The following CPNE4 variants were observed in gnomAD, a reference collection of about 807,000 sequenced individuals.
The protein encoded by CPNE4 is copine-4.
A neutral mutation model predicts 67.9 loss-of-function variants in CPNE4; 25 were observed. The observed-to-expected ratio is 0.37, with a 90% CI of 0.27 to 0.51. CPNE4 has a LOEUF of 0.51. CPNE4 is among the 20% of genes least tolerant of loss of function. CPNE4 has a pLI of 0.93. For missense variants in CPNE4, 464 were observed against 690.8 expected (o/e 0.67, Z 3.68); for synonymous variants, 242 against 244.9 (o/e 0.99, Z 0.11).
chr3:131,741,297 T>C (rs373087903), intron 2 of CPNE4, among the ~76,000 whole-genome samples: 2 of 152,226 alleles, frequency 1.3e-5, no homozygotes, highest in Admixed American at 1.3e-4. Context: ...ATGATTGTTG[T>C]AAACAACCAA....
At chr3:131,940,370 G>C (rs1160994588) in intron 1 of CPNE4, among the ~76,000 whole-genome samples, 1 of 152,004 alleles carries the variant, frequency 6.6e-6, no homozygotes, top group Non-Finnish European at 1.5e-5. Context: ...CCCTCTCTGA[G>C]TTGCAGAAGT....
chr3:131,759,225 T>C (rs1193747928), intron 2 of CPNE4, among the ~76,000 whole-genome samples: 1 of 152,140 alleles, frequency 6.6e-6, no homozygotes, highest in Admixed American at 6.6e-5. Context: ...TGGCAGGATC[T>C]AGGGGTAACC....
intron 2 of CPNE4, among the ~76,000 whole-genome samples, chr3:131,815,290 T>C (rs2107952508): frequency 6.6e-6 from 1 of 152,244 alleles, no homozygotes; most frequent in African/African-American, 2.4e-5. Context: ...AAGAAAGCAT[T>C]CTCAAATACT....
chr3:131,702,916 T>C (rs2081336077), intron 3 of CPNE4, among the ~76,000 whole-genome samples: 1 of 152,216 alleles, frequency 6.6e-6, no homozygotes, highest in Non-Finnish European at 1.5e-5. Flanking sequence ...GGCATTTGGG[T>C]ATACAAGTGG....
chr3:131,607,791 C>A (rs1026398772), intron 7 of CPNE4, among the ~76,000 whole-genome samples: 2 of 152,092 alleles, frequency 1.3e-5, no homozygotes, highest in Non-Finnish European at 2.9e-5. Flanking sequence ...GAAGTTAAAC[C>A]GTTTTTGCTA....
intron 2 of CPNE4, among the ~76,000 whole-genome samples, chr3:131,801,254 TC>T (rs1479708060): frequency 1.3e-5 from 2 of 150,946 alleles, no homozygotes; most frequent in African/African-American, 4.9e-5. Flanking sequence ...TATGCTGCTT[TC>T]CAGATTGAAA....
intron 5 of CPNE4, among the ~76,000 whole-genome samples, chr3:131,686,257 A>G (rs1012869419): frequency 2.6e-5 from 4 of 152,218 alleles, no homozygotes; most frequent in African/African-American, 9.6e-5. Flanking sequence ...GTTAGTTGAA[A>G]TTCAAAGTAT....
chr3:131,540,731 C>T (rs35644168), intron 15 of CPNE4, among the ~76,000 whole-genome samples: 5,846 of 152,212 alleles, frequency 0.038, 279 homozygotes, highest in African/African-American at 0.11. Context: ...AGGAGAAAGG[C>T]TTTACCAAAT....
At chr3:131,657,688 C>G (rs1323126034) in intron 7 of CPNE4, among the ~76,000 whole-genome samples, 2 of 145,918 alleles carry the variant, frequency 1.4e-5, no homozygotes, top group Non-Finnish European at 3.0e-5. Flanking sequence ...GCACGTGCCA[C>G]CACGTCCAGC....
intron 2 of CPNE4, among the ~76,000 whole-genome samples, chr3:131,802,494 CTG>C (rs1274149976): frequency 1.3e-5 from 2 of 152,142 alleles, no homozygotes. Flanking sequence ...GCTGCATTTT[CTG>C]TGTTATAAAA....
At chr3:131,820,576 G>A (rs757178209) in intron 2 of CPNE4, among the ~76,000 whole-genome samples, 3 of 152,318 alleles carry the variant, frequency 2.0e-5, no homozygotes, top group Admixed American at 6.5e-5. Flanking sequence ...TGCAAATAAT[G>A]TTTGCTTTAC....
At chr3:131,766,123 C>A (rs1247676771) in intron 2 of CPNE4, among the ~76,000 whole-genome samples, 1 of 152,108 alleles carries the variant, frequency 6.6e-6, no homozygotes, top group African/African-American at 2.4e-5. Flanking sequence ...CCTCCGGCAC[C>A]AGATTGCCTG....
rs576422718 is a variant in CPNE4, at chr3:131,774,807, A to C, written c.181-51182T>G. 3.9e-5 allele frequency among the ~76,000 whole-genome samples: 6 copies of C among 152,220 alleles called. No homozygotes were observed. In the South Asian group the frequency reaches 1.2e-3, roughly 32 times the overall value. ...GTTCTAAACTAGATATTGTTCTTAA[A>C]ATGCTTCTCCTGATTACAACTAATC... On this transcript the variant is annotated intron_variant, in intron 2 of 15. Coordinates refer to ENST00000429747, the MANE Select transcript of CPNE4 (RefSeq NM_130808.3).
At chr3:131,741,634 CAA>C (rs1183403264) in intron 2 of CPNE4, among the ~76,000 whole-genome samples, 3 of 152,034 alleles carry the variant, frequency 2.0e-5, no homozygotes, top group African/African-American at 7.2e-5. Context: ...CTTGACACAG[CAA>C]AGAGTTGGTA....
chr3:131,650,476 G>GTATAATAGTAAATGCTT (rs1560047142), intron 7 of CPNE4, among the ~76,000 whole-genome samples: 1 of 142,668 alleles, frequency 7.0e-6, no homozygotes, highest in African/African-American at 3.1e-5. Flanking sequence ...CTATTATTGC[G>GTATAATAGTAAATGCTT]GCCGGGCGCG....
chr3:131,674,762 CTT>C (rs982649141), intron 6 of CPNE4, among the ~76,000 whole-genome samples: 1 of 151,620 alleles, frequency 6.6e-6, no homozygotes, highest in African/African-American at 2.4e-5. Flanking sequence ...AAAAAACTAA[CTT>C]TTTGTTTTAT....
At chr3:131,951,929 G>A (rs34749561) in intron 1 of CPNE4, among the ~76,000 whole-genome samples, 20,290 of 152,032 alleles carry the variant, frequency 0.13, 1,360 homozygotes, top group African/African-American at 0.16. Flanking sequence ...CCACCTCCCA[G>A]CCACCTGCCT....
intron 1 of CPNE4, among the ~76,000 whole-genome samples, chr3:131,963,808 C>G (rs74490477): frequency 2.0e-5 from 3 of 152,210 alleles, no homozygotes; most frequent in Non-Finnish European, 2.9e-5. Context: ...GTTGGCACTA[C>G]GGCAGACTTA....
At chr3:131,709,566 C>A (rs1056172703) in intron 3 of CPNE4, among the ~76,000 whole-genome samples, 2 of 152,210 alleles carry the variant, frequency 1.3e-5, no homozygotes, top group Non-Finnish European at 2.9e-5. Context: ...TTGTTGCAGA[C>A]TGACCAAAGC....
Sources: allele counts gnomAD v4.1 joint callset (sites outside exome capture counted in the v4.1 genomes callset), GRCh38; gene constraint gnomAD v4.1.1; transcripts MANE v1.5; gene names NCBI Gene and HGNC (gene_info 2026-07-23, HGNC 2026-07-21).